The following FAM13A variants were observed in gnomAD, a reference collection of about 807,000 sequenced individuals.
FAM13A encodes protein FAM13A.
Under a neutral mutation model 129.6 loss-of-function variants are expected in FAM13A, and 76 were observed. That is an observed-to-expected ratio of 0.59 (90% CI 0.49 to 0.71). FAM13A has a LOEUF of 0.71. FAM13A is among the 30% of genes least tolerant of loss of function. FAM13A has a pLI of 0.00. For synonymous variants in FAM13A, 443 were observed against 449.9 expected, an observed-to-expected ratio of 0.98 and a Z score of 0.20; for missense variants, 1,108 against 1,249.3, an observed-to-expected ratio of 0.89 and a Z score of 1.70.
At chr4:88,910,834 G>C (rs1469658852) in intron 5 of FAM13A, among the ~76,000 whole-genome samples, 1 of 151,898 alleles carries the variant, frequency 6.6e-6, no homozygotes, top group Non-Finnish European at 1.5e-5. Context: ...ATTTTTAGTA[G>C]AGACGGGGTT....
chr4:88,782,929 CTT>C (rs1341348679), intron 10 of FAM13A, among the ~76,000 whole-genome samples: 1 of 152,042 alleles, frequency 6.6e-6, no homozygotes, highest in Non-Finnish European at 1.5e-5. Context: ...TAAATTCTAT[CTT>C]ATCACTCTTC....
At chr4:88,736,419 C>T (rs971561530) in intron 21 of FAM13A, 2 of 152,234 alleles carry the variant, frequency 1.3e-5, no homozygotes, top group African/African-American at 4.8e-5. Context: ...AAGAGGGCCC[C>T]ATATACTGAA....
intron 4 of FAM13A, among the ~76,000 whole-genome samples, chr4:88,948,659 T>C (rs887481239): frequency 6.6e-6 from 1 of 152,050 alleles, no homozygotes; most frequent in Non-Finnish European, 1.5e-5. Flanking sequence ...TGGCTAAATT[T>C]TGTATTTTTA....
intron 6 of FAM13A, among the ~76,000 whole-genome samples, chr4:88,902,711 C>T (rs1747487612): frequency 1.3e-5 from 2 of 152,158 alleles, no homozygotes; most frequent in Admixed American, 6.5e-5. Context: ...GACAAGGATG[C>T]CCTCTCTCAC....
intron 7 of FAM13A, among the ~76,000 whole-genome samples, chr4:88,839,219 ATTTTAT>A (rs964557404): frequency 7.6e-4 from 115 of 152,256 alleles, no homozygotes; most frequent in African/African-American, 2.6e-3. Context: ...TACTTTTGCT[ATTTTAT>A]TTTTATGTTT....
chr4:88,787,112 A>C (rs1724129045), intron 10 of FAM13A, among the ~76,000 whole-genome samples: 1 of 152,100 alleles, frequency 6.6e-6, no homozygotes, highest in Non-Finnish European at 1.5e-5. Context: ...AAATAATATA[A>C]ATGGTAATTG....
At chr4:88,996,288 C>CCACT (rs1373625500) in intron 3 of FAM13A, among the ~76,000 whole-genome samples, 1 of 152,132 alleles carries the variant, frequency 6.6e-6, no homozygotes, top group Non-Finnish European at 1.5e-5. Context: ...GCCTGGAGGA[C>CCACT]CACTCCGGCT....
chr4:88,967,786 G>A (rs1056383463), intron 4 of FAM13A, among the ~76,000 whole-genome samples: 4 of 152,176 alleles, frequency 2.6e-5, no homozygotes, highest in Non-Finnish European at 2.9e-5. Flanking sequence ...GTGGGCAGGA[G>A]GTTGGTAATG....
intron 5 of FAM13A, among the ~76,000 whole-genome samples, chr4:88,918,090 CCTTTT>C (rs1381524603): frequency 6.6e-6 from 1 of 152,178 alleles, no homozygotes; most frequent in South Asian, 2.1e-4. Flanking sequence ...CCTTTCCTTT[CCTTTT>C]CTTTTGTCAA....
intron 5 of FAM13A, among the ~76,000 whole-genome samples, chr4:88,934,816 A>G (rs898881727): frequency 1.4e-4 from 21 of 152,252 alleles, no homozygotes; most frequent in African/African-American, 5.1e-4. Flanking sequence ...ACTATTTGCC[A>G]AATTCAACAA....
intron 4 of FAM13A, 43 bp downstream of exon 4, chr4:88,990,930 A>G (rs778257249): frequency 3.4e-6 from 5 of 1,458,486 alleles, no homozygotes; most frequent in Non-Finnish European, 2.9e-6. Flanking sequence ...GTAAACACAA[A>G]GGGGGACATG....
intron 7 of FAM13A, among the ~76,000 whole-genome samples, chr4:88,829,640 C>G (rs1390189239): frequency 6.6e-6 from 1 of 152,174 alleles, no homozygotes. Context: ...AGTTTTCCAG[C>G]AAACTGTGTT....
intron 5 of FAM13A, among the ~76,000 whole-genome samples, chr4:88,925,875 G>C (rs1246303615): frequency 1.3e-5 from 2 of 152,120 alleles, no homozygotes; most frequent in African/African-American, 4.8e-5. Flanking sequence ...AGACAAGAAA[G>C]GAGATGAGGA....
intron 4 of FAM13A, among the ~76,000 whole-genome samples, chr4:88,945,779 G>T (rs1755572557): frequency 8.1e-6 from 1 of 123,586 alleles, no homozygotes. Flanking sequence ...TATACTATGT[G>T]GTTGTATATA....
chr4:89,040,629 G>A (rs1485118658), intron 1 of FAM13A, among the ~76,000 whole-genome samples: 1 of 152,160 alleles, frequency 6.6e-6, no homozygotes, highest in East Asian at 1.9e-4. Context: ...CCATTGACTG[G>A]TATAGTCTCA....
chr4:88,739,483 G>A (rs1028640749), intron 19 of FAM13A, among the ~76,000 whole-genome samples: 3 of 151,730 alleles, frequency 2.0e-5, no homozygotes, highest in Non-Finnish European at 2.9e-5. Context: ...GCTATAAGAC[G>A]TATCATGTAG....
chr4:88,740,684 G>A (rs765880689), intron 19 of FAM13A, among the ~76,000 whole-genome samples: 4 of 152,166 alleles, frequency 2.6e-5, no homozygotes, highest in Admixed American at 6.5e-5. Flanking sequence ...AGATGACTCT[G>A]GATTATGAAG....
At chr4:88,967,672 C>T (rs947040973) in intron 4 of FAM13A, among the ~76,000 whole-genome samples, 2 of 152,114 alleles carry the variant, frequency 1.3e-5, no homozygotes, top group Non-Finnish European at 2.9e-5. Flanking sequence ...AAAAGATGCC[C>T]GGCAAGAGCA....
chr4:88,980,587 A>G (rs1238462321), intron 4 of FAM13A, among the ~76,000 whole-genome samples: 2 of 81,088 alleles, frequency 2.5e-5, no homozygotes, highest in Non-Finnish European at 5.3e-5. Context: ...TATCAATAAC[A>G]AATATAATTA....
Sources: allele counts gnomAD v4.1 joint callset (sites outside exome capture counted in the v4.1 genomes callset), GRCh38; gene constraint gnomAD v4.1.1; transcripts MANE v1.5; gene names NCBI Gene and HGNC (gene_info 2026-07-23, HGNC 2026-07-21).